The following ZNF837 variants were observed in gnomAD, a reference collection of about 807,000 sequenced individuals.
ZNF837 encodes the protein zinc finger protein 837.
For missense variants in ZNF837, 955 were observed against 801.7 expected, an observed-to-expected ratio of 1.19 and a Z score of -2.31; for synonymous variants, 475 against 365.2, an observed-to-expected ratio of 1.30 and a Z score of -3.43.
At chr19:58,375,953 C>G (rs535762688) in intron 1 of ZNF837, among the ~76,000 whole-genome samples, 12 of 151,906 alleles carry the variant, frequency 7.9e-5, no homozygotes, top group African/African-American at 2.9e-4. Context: ...GAGTCTCGTT[C>G]TGTTGCCCAG....
intron 1 of ZNF837, among the ~76,000 whole-genome samples, chr19:58,371,441 T>A (rs2052201341): frequency 6.6e-6 from 1 of 152,090 alleles, no homozygotes; most frequent in Non-Finnish European, 1.5e-5. Context: ...TTTTCCTCAT[T>A]GTGATGTGAT....
In ZNF837 at chr19:58,368,334, C is replaced by T. The variant is rs61746129; in HGVS notation, c.999G>A (p.Ala333=). 2 of 1,514,062 alleles carry T rather than the reference C, an allele frequency of 1.3e-6. No homozygotes were observed. Among genetic ancestry groups the T allele is most frequent in the African/African-American group, 1.4e-5 (1 of 71,186 alleles). 93.8% of individuals were successfully genotyped at this position (1,514,062 alleles called of 1,614,324 possible). A position where few individuals can be genotyped will look rare whatever the true frequency, so the allele number is the denominator to read the frequency against. ...AERHRRGPVL[A]RRAFRLGCPP... is the part of the protein sequence containing the mutation. ...GGCACCCCAGCCGGAAGGCGCGCCG[C>T]GCCAGGACGGGGCCACGCCGGTGGC... Residue 333 remains alanine (A), a synonymous_variant, in exon 3 of 3, where the codon GCG becomes GCA. Transcript: ENST00000597582.
At position 58,377,209 on chromosome 19, in the gene ZNF837, T is replaced by C. The variant is rs375498055; in HGVS notation, c.-140+3732A>G. 2.3e-4 allele frequency among the ~76,000 whole-genome samples: 23 copies of C among 100,612 alleles called. No individual in the cohort carries two copies. The East Asian group carries it at 3.3e-3, about 14-fold the overall frequency. 66.0% of individuals were successfully genotyped at this position (100,612 alleles called of 152,430 possible). On this transcript the variant is annotated intron_variant, in intron 1 of 2. Coordinates refer to ENST00000597582, the MANE Select transcript of ZNF837 (RefSeq NM_138466.2). Reference sequence around the variant, plus strand: ...TCCAGCCTGGGCGACAGAGCGAGACTCCGTCAAAAAAAAAAAAAAAAGGCT... The same window carrying C: ...TCCAGCCTGGGCGACAGAGCGAGACCCCGTCAAAAAAAAAAAAAAAAGGCT...
chr19:58,367,937 C>G lies in ZNF837; in HGVS notation c.1396G>C (p.Glu466Gln). The G allele has an allele frequency of 6.5e-7, 1 of 1,533,092 alleles. No individual in the cohort carries two copies. The highest frequency in any genetic ancestry group is 8.7e-7 in the Non-Finnish European group (1 of 1,143,876). The allele number at this position is 1,533,092 out of a possible 1,614,324, so 95.0% of individuals were successfully genotyped here. A position where few individuals can be genotyped will look rare whatever the true frequency, so the allele number is the denominator to read the frequency against. ...GGCTTCTCGCCCGAGTGCAGGCGCTCGTGCTGGCGCAGCTCGGAGCAGCCG... is the reference window on the plus strand; with the variant it reads ...GGCTTCTCGCCCGAGTGCAGGCGCTGGTGCTGGCGCAGCTCGGAGCAGCCG... Reference protein sequence around the residue: ...FRGCSELRQHERLHSGEKPYI... With the variant: ...FRGCSELRQHQRLHSGEKPYI... Residue 466 changes from glutamate (E) to glutamine (Q), a missense_variant, in exon 3 of 3, where the codon GAG (glutamate) becomes CAG (glutamine). By Grantham distance (29) the Glu-to-Gln change is conservative. Transcript: ENST00000597582.
chr19:58,376,216 G>A (rs1034055508), intron 1 of ZNF837, among the ~76,000 whole-genome samples: 22 of 152,108 alleles, frequency 1.4e-4, no homozygotes, highest in Non-Finnish European at 3.2e-4. Flanking sequence ...CACTGCGCCC[G>A]GCCGAAGGTG....
chr19:58,368,927 C>A lies in ZNF837; in HGVS notation c.406G>T (p.Ala136Ser). 4.5e-6 allele frequency: 7 copies of A among 1,545,992 alleles called. No individual in the cohort carries two copies. The highest frequency in any genetic ancestry group is 6.1e-6 in the Non-Finnish European group (7 of 1,144,424). Residue 136 changes from alanine to serine, a missense_variant, in exon 3 of 3, where the codon GCG (alanine) becomes TCG (serine). By Grantham distance (99) the Ala-to-Ser change is moderately conservative. Transcript: ENST00000597582. The stretch of plus-strand genomic sequence containing the variant: ...ACGGGTGGCGTCTCCCCAGCGGGCG[C>A]CCCGCGATGCCACGCCAGGCAGGAG... ...RNSCLAWHRG[A>S]PAGETPPVCD...
Position 58,368,544 on chromosome 19 carries a change from G to C in ZNF837, c.789C>G (p.Pro263=). The C allele has an allele frequency of 6.5e-7, 1 of 1,538,170 alleles. No homozygotes were observed. The highest frequency in any genetic ancestry group is 2.0e-5 in the Admixed American group (1 of 50,564). ...GQTSRPRPIV[P]DPPAQRLYAC... is the part of the protein sequence containing the mutation. ...CGTACAGTCGCTGGGCCGGGGGGTC[G>C]GGGACAATAGGGCGAGGTCGCGAGG... The change falls in exon 3 of 3, where the codon CCC becomes CCG. Residue 263 remains proline (P), a synonymous_variant. Coordinates refer to ENST00000597582, the MANE Select transcript of ZNF837 (RefSeq NM_138466.2).
intron 1 of ZNF837, among the ~76,000 whole-genome samples, chr19:58,376,915 A>G (rs2052252607): frequency 9.0e-6 from 1 of 111,360 alleles, no homozygotes; most frequent in Non-Finnish European, 1.9e-5. Flanking sequence ...CCCTGTCTCT[A>G]TTAAAAAAAA....
chr19:58,373,891 G>A (rs974076886), intron 1 of ZNF837, among the ~76,000 whole-genome samples: 1 of 152,218 alleles, frequency 6.6e-6, no homozygotes, highest in Non-Finnish European at 1.5e-5. Context: ...ATGAGCTGGA[G>A]GGGGCGGGAC....
intron 1 of ZNF837, among the ~76,000 whole-genome samples, chr19:58,378,045 A>G (rs534889481): frequency 5.3e-5 from 8 of 151,998 alleles, no homozygotes; most frequent in Non-Finnish European, 1.0e-4. Flanking sequence ...TCCCTCGTCT[A>G]CCTCTGAGAG....
In ZNF837 at chr19:58,369,093, G is replaced by A; in HGVS notation, c.240C>T (p.His80=). ...GCACGAGGGGTCTGGTCCCGGCGCT[G>A]TGCCGGGTCCCCGGGCCGGGGCTCA... ...LGVSPGPGTR[H]SAGTRPLVRE... The change falls in exon 3 of 3, where the codon CAC becomes CAT. Residue 80 remains histidine, a synonymous_variant. Coordinates refer to ENST00000597582, the MANE Select transcript of ZNF837 (RefSeq NM_138466.2). The A allele has an allele frequency of 6.6e-7, 1 of 1,511,056 alleles. No individual in the cohort carries two copies. The highest frequency in any genetic ancestry group is 1.3e-5 in the South Asian group (1 of 79,084). 93.6% of individuals were successfully genotyped at this position (1,511,056 alleles called of 1,614,324 possible). A position where few individuals can be genotyped will look rare whatever the true frequency, so the allele number is the denominator to read the frequency against.
chr19:58,369,560 C>G (rs577320199), intron 2 of ZNF837, among the ~76,000 whole-genome samples, 199 bp from the exon 3 acceptor site: 1 of 152,222 alleles, frequency 6.6e-6, no homozygotes, highest in East Asian at 1.9e-4. Context: ...CCCCAGAGAA[C>G]AGCTTCCCAG....
At chr19:58,371,764 C>G (rs868107549) in intron 1 of ZNF837, among the ~76,000 whole-genome samples, 4 of 152,194 alleles carry the variant, frequency 2.6e-5, no homozygotes, top group Admixed American at 6.5e-5. Context: ...CTCTGTCACC[C>G]AGGCTGCAGT....
Position 58,367,713 on chromosome 19 carries a change from G to C in ZNF837, c.*24C>G, listed in dbSNP as rs779956563. On this transcript the variant is annotated 3_prime_UTR_variant, in exon 3 of 3. Transcript: ENST00000597582. ...TCGACGCAGGGTTCGCTTGGGCGACGCGTCGACTCTCGGCTCCCTGCAGTC... is the reference window on the plus strand; with the variant it reads ...TCGACGCAGGGTTCGCTTGGGCGACCCGTCGACTCTCGGCTCCCTGCAGTC... 1 of 1,479,954 alleles carries C rather than the reference G, an allele frequency of 6.8e-7. No homozygotes were observed. Among genetic ancestry groups the C allele is most frequent in the African/African-American group, 1.4e-5 (1 of 70,382 alleles). 91.7% of individuals were successfully genotyped at this position (1,479,954 alleles called of 1,614,324 possible).
intron 1 of ZNF837, among the ~76,000 whole-genome samples, chr19:58,376,134 G>T (rs2052243237): frequency 6.6e-6 from 1 of 151,952 alleles, no homozygotes; most frequent in African/African-American, 2.4e-5. Context: ...GGCCTGGCTG[G>T]TCTCAAACTC....
intron 1 of ZNF837, among the ~76,000 whole-genome samples, chr19:58,372,188 G>A (rs1260548940): frequency 1.3e-5 from 2 of 152,044 alleles, no homozygotes; most frequent in Non-Finnish European, 2.9e-5. Context: ...CTGAGTAGCT[G>A]GGATTATAGG....
At chr19:58,375,237 C>T (rs2052231801) in intron 1 of ZNF837, among the ~76,000 whole-genome samples, 1 of 99,476 alleles carries the variant, frequency 1.0e-5, no homozygotes, top group Admixed American at 1.2e-4. Context: ...GCCTGGGCAA[C>T]AGAGCGAGAA....
chr19:58,378,696 T>A (rs2052268246), intron 1 of ZNF837, among the ~76,000 whole-genome samples: 1 of 152,248 alleles, frequency 6.6e-6, no homozygotes, highest in Non-Finnish European at 1.5e-5. Flanking sequence ...TCTCAGAATG[T>A]GACCTTATTA....
In ZNF837 at chr19:58,368,538, G is replaced by C. The variant is rs1004151439; in HGVS notation, c.795C>G (p.Pro265=). The C allele has an allele frequency of 6.5e-7, 1 of 1,541,230 alleles. No homozygotes were observed. Among genetic ancestry groups the C allele is most frequent in the Non-Finnish European group, 8.7e-7 (1 of 1,144,692 alleles). Residue 265 remains proline, a synonymous_variant, in exon 3 of 3, where the codon CCC becomes CCG. Coordinates refer to ENST00000597582, the MANE Select transcript of ZNF837 (RefSeq NM_138466.2). ...CGCAAGCGTACAGTCGCTGGGCCGG[G>C]GGGTCGGGGACAATAGGGCGAGGTC... ...TSRPRPIVPD[P]PAQRLYACDE... is the part of the protein sequence containing the mutation.
Sources: allele counts gnomAD v4.1 joint callset (sites outside exome capture counted in the v4.1 genomes callset), GRCh38; gene constraint gnomAD v4.1.1; transcripts MANE v1.5; gene names NCBI Gene and HGNC (gene_info 2026-07-23, HGNC 2026-07-21).